The following SLC25A48 variants were observed in gnomAD, a reference collection of about 807,000 sequenced individuals.
SLC25A48 encodes the protein solute carrier family 25 member 48, also known as CTC-321K16.1.
A neutral mutation model predicts 32.2 loss-of-function variants in SLC25A48; 29 were observed. The observed-to-expected ratio is 0.90, with a 90% CI of 0.67 to 1.23. The LOEUF (loss-of-function observed/expected upper bound fraction) is 1.23, where lower values mean the gene tolerates loss of function less well. Ranked by LOEUF, SLC25A48 falls within the 50% of genes most tolerant of loss-of-function variation. SLC25A48 has a pLI of 0.00. For synonymous variants in SLC25A48, 164 were observed against 172.3 expected (o/e 0.95, Z 0.38); for missense variants, 399 against 422.7 (o/e 0.94, Z 0.49).
chr5:135,776,543 T>C (rs1352894007), intron 3 of SLC25A48, among the ~76,000 whole-genome samples: 1 of 151,768 alleles, frequency 6.6e-6, no homozygotes, highest in Non-Finnish European at 1.5e-5. Flanking sequence ...TTGCAAGGTA[T>C]GTACACCCCT....
intron 3 of SLC25A48, among the ~76,000 whole-genome samples, chr5:135,662,981 A>G (rs528708871): frequency 5.3e-5 from 8 of 152,266 alleles, no homozygotes; most frequent in Admixed American, 5.2e-4. Context: ...CCCTGTGCCC[A>G]GGAATGCTCA....
chr5:135,650,946 C>T (rs149725955), intron 3 of SLC25A48, among the ~76,000 whole-genome samples: 317 of 152,244 alleles, frequency 2.1e-3, no homozygotes, highest in African/African-American at 7.2e-3. Context: ...TCCTCTCTGG[C>T]GCCACTTCCT....
intron 3 of SLC25A48, among the ~76,000 whole-genome samples, chr5:135,698,658 G>C (rs1029421828): frequency 6.6e-6 from 1 of 151,956 alleles, no homozygotes; most frequent in African/African-American, 2.4e-5. Flanking sequence ...TTCTTAGATA[G>C]AATACAAAGG....
chr5:135,630,588 CT>C (rs869088370), intron 2 of SLC25A48, among the ~76,000 whole-genome samples: 163 of 58,920 alleles, frequency 2.8e-3, no homozygotes, highest in East Asian at 6.9e-3. Flanking sequence ...GGCTGGGCAC[CT>C]TTTTTTTTTT....
At chr5:135,681,794 C>T (rs1191456709) in intron 3 of SLC25A48, among the ~76,000 whole-genome samples, 1 of 152,128 alleles carries the variant, frequency 6.6e-6, no homozygotes, top group African/African-American at 2.4e-5. Flanking sequence ...TAGTCTAAGA[C>T]TAGTTTTTTT....
intron 3 of SLC25A48, among the ~76,000 whole-genome samples, chr5:135,761,943 C>CT (rs1255479871): frequency 6.6e-6 from 1 of 152,198 alleles, no homozygotes; most frequent in African/African-American, 2.4e-5. Flanking sequence ...AAGACAGCTG[C>CT]TTGAGCTCCA....
At chr5:135,756,692 T>C (rs1168001296) in intron 3 of SLC25A48, among the ~76,000 whole-genome samples, 2 of 152,102 alleles carry the variant, frequency 1.3e-5, no homozygotes, top group Admixed American at 1.3e-4. Flanking sequence ...ATTATCTGTA[T>C]GATACCTATA....
chr5:135,803,673 T>C (rs1185211339), intron 3 of SLC25A48, among the ~76,000 whole-genome samples: 2 of 151,556 alleles, frequency 1.3e-5, no homozygotes, highest in Admixed American at 1.3e-4. Flanking sequence ...AATATCAAAG[T>C]GTTGTGATAT....
chr5:135,795,933 T>TG (rs985148507), intron 3 of SLC25A48, among the ~76,000 whole-genome samples: 3 of 125,434 alleles, frequency 2.4e-5, no homozygotes, highest in African/African-American at 9.2e-5. Flanking sequence ...CCCCATATCG[T>TG]GGGGGGTGTA....
intron 3 of SLC25A48, among the ~76,000 whole-genome samples, chr5:135,745,992 C>T (rs1467206496): frequency 6.6e-6 from 1 of 152,202 alleles, no homozygotes; most frequent in African/African-American, 2.4e-5. Flanking sequence ...TGATGCTGCA[C>T]AGGTTAGTCT....
At chr5:135,692,089 A>T (rs1441435214) in intron 3 of SLC25A48, among the ~76,000 whole-genome samples, 1 of 152,152 alleles carries the variant, frequency 6.6e-6, no homozygotes, top group African/African-American at 2.4e-5. Flanking sequence ...AGGCCGAGGC[A>T]GGCGGATCCT....
chr5:135,690,821 G>A (rs927355460), intron 3 of SLC25A48, among the ~76,000 whole-genome samples: 2 of 152,186 alleles, frequency 1.3e-5, no homozygotes, highest in African/African-American at 2.4e-5. Flanking sequence ...TTTGGAAGGC[G>A]GAGTGTGGGG....
intron 3 of SLC25A48, among the ~76,000 whole-genome samples, chr5:135,800,694 G>A (rs1469443953): frequency 6.6e-6 from 1 of 150,862 alleles, no homozygotes; most frequent in African/African-American, 2.4e-5. Context: ...CACCCCCCTG[G>A]GATAGGGTTT....
chr5:135,771,996 G>T (rs1475659745), intron 3 of SLC25A48, among the ~76,000 whole-genome samples: 1 of 151,332 alleles, frequency 6.6e-6, no homozygotes, highest in African/African-American at 2.4e-5. Flanking sequence ...ATATCATGGG[G>T]GCTGTACACT....
At chr5:135,837,461 G>T (rs1046084352) in intron 1 of SLC25A48, among the ~76,000 whole-genome samples, 1 of 152,146 alleles carries the variant, frequency 6.6e-6, no homozygotes, top group African/African-American at 2.4e-5. Context: ...TGTCTTTGAA[G>T]AACAGTTTCC....
At chr5:135,880,891 G>A (rs994765136) in intron 7 of SLC25A48, among the ~76,000 whole-genome samples, 1 of 152,062 alleles carries the variant, frequency 6.6e-6, no homozygotes, top group African/African-American at 2.4e-5. Context: ...CCAGGATGCC[G>A]GCTTGCTTTC....
chr5:135,813,734 A>C, intron 4 of SLC25A48, among the ~76,000 whole-genome samples: 1 of 152,312 alleles, frequency 6.6e-6, no homozygotes, highest in Admixed American at 6.5e-5. Flanking sequence ...CACAACATCA[A>C]TCCTTTCAGG....
intron 4 of SLC25A48, among the ~76,000 whole-genome samples, chr5:135,816,544 T>C (rs1460498056): frequency 6.6e-6 from 1 of 152,202 alleles, no homozygotes; most frequent in Admixed American, 6.5e-5. Context: ...GGGATGATCA[T>C]TGGTAACTAC....
intron 3 of SLC25A48, among the ~76,000 whole-genome samples, chr5:135,744,777 C>A (rs1755600024): frequency 2.0e-5 from 3 of 151,960 alleles, no homozygotes; most frequent in Non-Finnish European, 2.9e-5. Context: ...GGTGTGGTGG[C>A]TAACACCTGT....
Sources: gnomAD v4.1 joint callset for allele counts (sites outside exome capture counted in the v4.1 genomes callset) on GRCh38, gnomAD v4.1.1 for gene constraint, MANE v1.5 for transcripts, NCBI Gene and HGNC (gene_info 2026-07-23, HGNC 2026-07-21) for gene names.